The following RASGRP1 variants were observed in gnomAD, a reference collection of about 807,000 sequenced individuals.
RASGRP1 encodes the protein RAS guanyl-releasing protein 1.
Under a neutral mutation model 95.1 loss-of-function variants are expected in RASGRP1, and 37 were observed. The ratio of observed to expected loss-of-function variants is 0.39; its 90% CI spans 0.30 to 0.51. RASGRP1 has a LOEUF of 0.51. Among genes scored for constraint, RASGRP1 ranks in the 20% least tolerant of loss-of-function variants. The pLI, the probability that RASGRP1 is intolerant of heterozygous loss-of-function variation, is 0.80. For missense variants in RASGRP1, 711 were observed against 965.4 expected, an observed-to-expected ratio of 0.74 and a Z score of 3.49; for synonymous variants, 325 against 353.4, an observed-to-expected ratio of 0.92 and a Z score of 0.90.
intron 7 of RASGRP1, 60 bp downstream of exon 7, chr15:38,512,723 A>G: frequency 1.3e-6 from 2 of 1,592,374 alleles, no homozygotes; most frequent in Non-Finnish European, 8.6e-7. Context: ...AAGCTGGAGG[A>G]AAAGGGGATA....
intron 7 of RASGRP1, 116 bp downstream of exon 7, chr15:38,512,667 C>G (rs1891583262): frequency 7.8e-7 from 1 of 1,283,084 alleles, no homozygotes; most frequent in Non-Finnish European, 1.1e-6. Context: ...CTCTCCACCC[C>G]CTCGCCATGG....
chr15:38,524,571 C>CT (rs1892127501), intron 3 of RASGRP1: 1 of 152,252 alleles, frequency 6.6e-6, no homozygotes, highest in African/African-American at 2.4e-5. Context: ...AGCCATTGGG[C>CT]TTTGCAATCA....
intron 5 of RASGRP1, among the ~76,000 whole-genome samples, chr15:38,516,635 G>A (rs766243897): frequency 6.6e-6 from 1 of 151,768 alleles, no homozygotes; most frequent in East Asian, 1.9e-4. Flanking sequence ...CTCAGGTATC[G>A]GTCAGTTTCC....
At chr15:38,524,966 C>CTTTTTT (rs1209374484) in intron 3 of RASGRP1, among the ~76,000 whole-genome samples, 1 of 120,342 alleles carries the variant, frequency 8.3e-6, no homozygotes, top group African/African-American at 3.3e-5. Context: ...GTACAATTTT[C>CTTTTTT]TTTCTTTTTT....
chr15:38,532,932 TCC>T (rs1892502332), intron 2 of RASGRP1, among the ~76,000 whole-genome samples: 3 of 152,076 alleles, frequency 2.0e-5, no homozygotes, highest in African/African-American at 7.3e-5. Context: ...CAGACCCTGC[TCC>T]TTGCTGATAA....
At position 38,516,048 on chromosome 15, in the gene RASGRP1, A is replaced by AT. The variant is rs113815882; in HGVS notation, c.675+148dup. The AT allele has an allele frequency of 7.6e-4, 697 of 911,302 alleles. 3 individuals carry two copies. The African/African-American group carries it at 8.7e-3, about 11-fold the overall frequency. 56.5% of individuals were successfully genotyped at this position (911,302 alleles called of 1,614,324 possible). A position where few individuals can be genotyped will look rare whatever the true frequency, so the allele number is the denominator to read the frequency against. On this transcript the variant is annotated intron_variant, in intron 6 of 16. Transcript: ENST00000310803. Reference sequence around the variant, plus strand: ...AATCAAAGGAATTCAGATGGTACTGATTTTTTCAGACTCTATGATGTCTGG... The same window carrying AT: ...AATCAAAGGAATTCAGATGGTACTGATTTTTTTCAGACTCTATGATGTCTGG...
Position 38,490,394 on chromosome 15 carries a change from G to T in RASGRP1, c.*160C>A, listed in dbSNP as rs1566905125. On this transcript the variant is annotated 3_prime_UTR_variant, in exon 17 of 17. Transcript: ENST00000310803. ...ACTAACTGAAAGAGAAAACAGTGCT[G>T]CACATTAGGAATCTTTTAGGTAAAT... The T allele has an allele frequency of 2.9e-6, 2 of 694,858 alleles. No individual in the cohort carries two copies. Among genetic ancestry groups the T allele is most frequent in the Non-Finnish European group, 4.2e-6 (2 of 478,236 alleles). The allele number at this position is 694,858 out of a possible 1,614,324, so 43.0% of individuals were successfully genotyped here.
intron 2 of RASGRP1, among the ~76,000 whole-genome samples, chr15:38,544,598 G>A (rs1893036793): frequency 1.3e-5 from 2 of 152,180 alleles, no homozygotes; most frequent in African/African-American, 4.8e-5. Flanking sequence ...CTGTCTGTGT[G>A]ATGCCTTCTG....
intron 8 of RASGRP1, among the ~76,000 whole-genome samples, chr15:38,509,738 T>C (rs116975050): frequency 0.013 from 1,916 of 152,190 alleles, 17 homozygotes; most frequent in Middle Eastern, 0.024. Context: ...AATAAATAAA[T>C]AATAAAATTT....
intron 10 of RASGRP1, chr15:38,504,045 G>A (rs1000029745): frequency 3.9e-5 from 6 of 152,096 alleles, no homozygotes; most frequent in African/African-American, 1.4e-4. Flanking sequence ...TGGTATTTGT[G>A]TATCTTAACA....
intron 11 of RASGRP1, 114 bp from the exon 12 acceptor site, chr15:38,502,535 G>A (rs1392830250): frequency 4.6e-6 from 3 of 652,256 alleles, no homozygotes; most frequent in East Asian, 2.7e-5. Flanking sequence ...CAACCTGAAC[G>A]AGAGGAACAG....
At chr15:38,536,803 A>C (rs1892666896) in intron 2 of RASGRP1, among the ~76,000 whole-genome samples, 1 of 152,264 alleles carries the variant, frequency 6.6e-6, no homozygotes, top group Non-Finnish European at 1.5e-5. Context: ...CTCTGCAATG[A>C]ACAGTCTCGT....
At chr15:38,503,637 G>A in intron 10 of RASGRP1, 1 of 481,582 alleles carries the variant, frequency 2.1e-6, no homozygotes, top group Non-Finnish European at 3.7e-6. Flanking sequence ...ATCTGCCTGA[G>A]TTGCAATTCC....
In RASGRP1 at chr15:38,490,021, G is replaced by C. The variant is rs916962016; in HGVS notation, c.*533C>G. 2 of 152,482 alleles carry C rather than the reference G, an allele frequency of 1.3e-5. No homozygotes were observed. The highest frequency in any genetic ancestry group is 2.9e-5 in the Non-Finnish European group (2 of 67,952). 9.4% of individuals were successfully genotyped at this position (152,482 alleles called of 1,614,324 possible). Reference sequence around the variant, plus strand: ...TGCTCATGTGTTATGACTGTAGTGAGGAAGGAGGGTACATGGACTAATTGA... The same window carrying C: ...TGCTCATGTGTTATGACTGTAGTGACGAAGGAGGGTACATGGACTAATTGA... On this transcript the variant is annotated 3_prime_UTR_variant, in exon 17 of 17. Transcript: ENST00000310803.
In RASGRP1 at chr15:38,489,736, T is replaced by TC. The variant is rs999989286; in HGVS notation, c.*817_*818insG. On this transcript the variant is annotated 3_prime_UTR_variant, in exon 17 of 17. Coordinates refer to ENST00000310803, the MANE Select transcript of RASGRP1 (RefSeq NM_005739.4). ...AAACAGACTCTTCATAGACTTTTTT[T>TC]TTTAAGCCATCAATTCCTAATTCTA... is the stretch of plus-strand genomic sequence containing the variant. 1 of 152,002 alleles carries TC rather than the reference T, an allele frequency of 6.6e-6. No homozygotes were observed. Among genetic ancestry groups the TC allele is most frequent in the Admixed American group, 6.6e-5 (1 of 15,234 alleles). 9.4% of individuals were successfully genotyped at this position (152,002 alleles called of 1,614,324 possible).
At position 38,519,651 on chromosome 15, in the gene RASGRP1, T is replaced by C. The variant is rs530363074; in HGVS notation, c.327-280A>G. 2.0e-5 allele frequency among the ~76,000 whole-genome samples: 3 copies of C among 152,158 alleles called. No homozygotes were observed. The East Asian group carries it at 5.8e-4, about 29-fold the overall frequency. Reference sequence around the variant, plus strand: ...CACTGCAGAACTAAGAAATGAATCATGTAAAGAGGTCCTGAGACAGGTAAC... The same window carrying C: ...CACTGCAGAACTAAGAAATGAATCACGTAAAGAGGTCCTGAGACAGGTAAC... On this transcript the variant is annotated intron_variant, in intron 3 of 16. Coordinates refer to ENST00000310803, the MANE Select transcript of RASGRP1 (RefSeq NM_005739.4).
At chr15:38,554,402 A>T (rs1893464847) in intron 2 of RASGRP1, among the ~76,000 whole-genome samples, 1 of 152,224 alleles carries the variant, frequency 6.6e-6, no homozygotes, top group African/African-American at 2.4e-5. Context: ...CAGCTCTCTC[A>T]GAAGTAAAAC....
At chr15:38,542,904 T>TACACATATGTGTATATATAC (rs1892956935) in intron 2 of RASGRP1, among the ~76,000 whole-genome samples, 3 of 141,320 alleles carry the variant, frequency 2.1e-5, no homozygotes, top group Admixed American at 7.2e-5. Context: ...TGTATATATA[T>TACACATATGTGTATATATAC]ACACATATAT....
chr15:38,494,979 T>C (rs887613836), intron 15 of RASGRP1, among the ~76,000 whole-genome samples: 1 of 152,212 alleles, frequency 6.6e-6, no homozygotes, highest in Admixed American at 6.5e-5. Flanking sequence ...ACATCCACCC[T>C]GAGAAAGAGC....
Sources: allele counts gnomAD v4.1 joint callset (sites outside exome capture counted in the v4.1 genomes callset), GRCh38; gene constraint gnomAD v4.1.1; transcripts MANE v1.5; gene names NCBI Gene and HGNC (gene_info 2026-07-23, HGNC 2026-07-21).